NHS: variants seen among roughly 807,000 people sequenced by gnomAD.
NHS encodes NHS actin remodeling regulator.
In NHS, 5 loss-of-function variants were observed where a neutral mutation model predicts 72.5. The ratio of observed to expected loss-of-function variants is 0.07; its 90% CI spans 0.04 to 0.14. The LOEUF is 0.14. NHS is among the 10% of genes least tolerant of loss of function. The probability of loss-of-function intolerance (pLI) is 1.00; values close to 1 mark genes in which losing one functional copy is unlikely to be tolerated. For missense variants in NHS, 1,072 were observed against 1,355.7 expected (o/e 0.79, Z 3.29); for synonymous variants, 464 against 547.7 (o/e 0.85, Z 2.13).
intron 1 of NHS, among the ~76,000 whole-genome samples, chrX:17,512,754 C>T (rs1224856975): frequency 2.7e-5 from 3 of 110,477 alleles, no homozygotes; most frequent in African/African-American, 1.0e-4. Flanking sequence ...ATTTTCCATA[C>T]TTGTACTAGT....
intron 1 of NHS, among the ~76,000 whole-genome samples, chrX:17,539,011 A>T (rs2065248858): frequency 8.9e-6 from 1 of 112,234 alleles, no homozygotes; most frequent in African/African-American, 3.2e-5. Flanking sequence ...AGGAGTCTAC[A>T]TGATGGGCAC....
At chrX:17,659,234 T>C (rs1403665740) in intron 1 of NHS, among the ~76,000 whole-genome samples, 3 of 112,269 alleles carry the variant, frequency 2.7e-5, no homozygotes, top group Admixed American at 1.9e-4. Flanking sequence ...GTGCAGTTTG[T>C]GCTATGGCAG....
At chrX:17,501,746 A>T (rs2146924660) in intron 1 of NHS, among the ~76,000 whole-genome samples, 1 of 112,560 alleles carries the variant, frequency 8.9e-6, no homozygotes, top group East Asian at 2.8e-4. Context: ...ACAAACAAAC[A>T]AAAAGATGTG....
intron 1 of NHS, among the ~76,000 whole-genome samples, chrX:17,575,825 G>A (rs1048356407): frequency 8.1e-5 from 9 of 111,500 alleles, no homozygotes; most frequent in African/African-American, 2.6e-4. Context: ...AAGCATGAAG[G>A]GTTATGGCTG....
At chrX:17,525,159 G>A (rs755130180) in intron 1 of NHS, among the ~76,000 whole-genome samples, 1 of 112,208 alleles carries the variant, frequency 8.9e-6, no homozygotes, top group South Asian at 3.7e-4. Flanking sequence ...TTTCAAATAA[G>A]TTTTTAAATA....
chrX:17,446,933 A>G (rs2064783849), intron 1 of NHS, among the ~76,000 whole-genome samples: 1 of 112,162 alleles, frequency 8.9e-6, no homozygotes, highest in African/African-American at 3.2e-5. Flanking sequence ...TAGGCTTAAT[A>G]TATCTTAAAC....
At chrX:17,520,798 A>G (rs1433613057) in intron 1 of NHS, among the ~76,000 whole-genome samples, 1 of 111,368 alleles carries the variant, frequency 9.0e-6, no homozygotes, top group Admixed American at 9.5e-5. Context: ...GGGTGTTTTC[A>G]TTTATTTGAA....
At chrX:17,703,697 C>T (rs1176939675) in intron 3 of NHS, among the ~76,000 whole-genome samples, 1 of 112,536 alleles carries the variant, frequency 8.9e-6, no homozygotes, top group Non-Finnish European at 1.9e-5. Flanking sequence ...AATCATTTGC[C>T]ACATGTAAAA....
rs779990879 is a variant in NHS at position 17,696,228 on chromosome X, A to T, written c.852+3760A>T. 4.5e-5 allele frequency among the ~76,000 whole-genome samples: 5 copies of T among 112,177 alleles called. No homozygotes were observed. The East Asian group carries it at 1.4e-3, about 32-fold the overall frequency. ...TAAAAATGTTCCCAAGGGCAATATG[A>T]AAGAGAAATTGCCTGGGATCAACTT... On this transcript the variant is annotated intron_variant, in intron 3 of 8. Coordinates refer to ENST00000676302, the MANE Select transcript of NHS (RefSeq NM_001291867.2).
rs5991373 is a variant in NHS, at chrX:17,401,192, A to C, written c.565+24870A>C. On this transcript the variant is annotated intron_variant, in intron 1 of 8. Transcript: ENST00000676302. Reference sequence around the variant, plus strand: ...CTGGGACAGCTGAATATCCACATGCAAAAGAATGAGGTTGGGCCCCCTCCT... The same window carrying C: ...CTGGGACAGCTGAATATCCACATGCCAAAGAATGAGGTTGGGCCCCCTCCT... 6.9e-3 allele frequency among the ~76,000 whole-genome samples: 778 copies of C among 112,330 alleles called. 4 individuals carry two copies. Among genetic ancestry groups the C allele is most frequent in the African/African-American group, 0.024 (742 of 30,963 alleles).
chrX:17,399,214 G>A (rs913496568), intron 1 of NHS, among the ~76,000 whole-genome samples: 10 of 110,257 alleles, frequency 9.1e-5, no homozygotes, highest in Non-Finnish European at 1.7e-4. Flanking sequence ...TGATTCTCCT[G>A]CCTCAGCCTC....
At chrX:17,401,968 AAG>A (rs1168730778) in intron 1 of NHS, among the ~76,000 whole-genome samples, 6 of 112,072 alleles carry the variant, frequency 5.4e-5, no homozygotes, top group Non-Finnish European at 7.5e-5. Flanking sequence ...AGAATACATA[AAG>A]AAAGTATATA....
chrX:17,534,527 G>A (rs4825330), intron 1 of NHS, among the ~76,000 whole-genome samples: 36,367 of 109,700 alleles, frequency 0.33, 5,277 homozygotes, highest in African/African-American at 0.54. Flanking sequence ...AAAGAGAGAA[G>A]TTAAAATTCT....
chrX:17,404,233 C>G (rs1422708048), intron 1 of NHS, among the ~76,000 whole-genome samples: 1 of 111,594 alleles, frequency 9.0e-6, no homozygotes, highest in Admixed American at 9.5e-5. Context: ...TTAGGCCAGG[C>G]TGGCAGGAAG....
At chrX:17,442,624 G>T (rs1280456622) in intron 1 of NHS, among the ~76,000 whole-genome samples, 1 of 112,206 alleles carries the variant, frequency 8.9e-6, no homozygotes, top group African/African-American at 3.2e-5. Flanking sequence ...AGACAATTCG[G>T]GTCATTATTT....
chrX:17,612,450 C>A (rs973035786), intron 1 of NHS, among the ~76,000 whole-genome samples: 5 of 110,676 alleles, frequency 4.5e-5, no homozygotes, highest in African/African-American at 1.6e-4. Context: ...GGTGACAGGT[C>A]TCCCTTGGAA....
At chrX:17,712,271 A>G (rs1218692904) in intron 3 of NHS, among the ~76,000 whole-genome samples, 1 of 78,908 alleles carries the variant, frequency 1.3e-5, no homozygotes, top group African/African-American at 4.5e-5. Flanking sequence ...ATATATATAT[A>G]TATATATATA....
At chrX:17,407,792 T>A (rs929063348) in intron 1 of NHS, among the ~76,000 whole-genome samples, 13 of 111,560 alleles carry the variant, frequency 1.2e-4, no homozygotes, top group African/African-American at 3.6e-4. Context: ...GAGCACTGAC[T>A]GTTTCTAAGA....
chrX:17,503,004 C>T (rs1158618466), intron 1 of NHS, among the ~76,000 whole-genome samples: 1 of 111,677 alleles, frequency 9.0e-6, no homozygotes, highest in Admixed American at 9.5e-5. Context: ...GTCTACAGTT[C>T]CCACCTCCAT....
Sources: allele counts gnomAD v4.1 joint callset (sites outside exome capture counted in the v4.1 genomes callset), GRCh38; gene constraint gnomAD v4.1.1; transcripts MANE v1.5; gene names NCBI Gene and HGNC (gene_info 2026-07-23, HGNC 2026-07-21).